Variants in GMDS observed in about 807,000 individuals in gnomAD.
GMDS encodes the protein GDP-mannose 4,6-dehydratase.
Under a neutral mutation model 49.9 loss-of-function variants are expected in GMDS, and 20 were observed. That is an observed-to-expected ratio of 0.40 (90% CI 0.28 to 0.58). The LOEUF is 0.58. Among genes scored for constraint, GMDS ranks in the 20% least tolerant of loss-of-function variants. The pLI, the probability that GMDS is intolerant of heterozygous loss-of-function variation, is 0.42. For missense variants in GMDS, 362 were observed against 481.4 expected, an observed-to-expected ratio of 0.75 and a Z score of 2.32; for synonymous variants, 177 against 178.6, an observed-to-expected ratio of 0.99 and a Z score of 0.07.
chr6:1,905,945 G>T (rs1760754115), intron 7 of GMDS, among the ~76,000 whole-genome samples: 1 of 151,998 alleles, frequency 6.6e-6, no homozygotes. Flanking sequence ...CGCCCAGGTG[G>T]CTGTTGAGTC....
At chr6:1,860,752 T>C (rs1487916920) in intron 7 of GMDS, among the ~76,000 whole-genome samples, 2 of 152,038 alleles carry the variant, frequency 1.3e-5, no homozygotes, top group Non-Finnish European at 2.9e-5. Flanking sequence ...CAGGTTTGGG[T>C]TGTAGGAACT....
chr6:1,902,764 A>T (rs1760560851), intron 7 of GMDS, among the ~76,000 whole-genome samples: 1 of 152,222 alleles, frequency 6.6e-6, no homozygotes, highest in African/African-American at 2.4e-5. Flanking sequence ...GTCAAATAAC[A>T]GGTAAAAACA....
chr6:1,948,060 T>G (rs1282265283), intron 6 of GMDS, among the ~76,000 whole-genome samples: 1 of 152,202 alleles, frequency 6.6e-6, no homozygotes, highest in Non-Finnish European at 1.5e-5. Context: ...TTCCACGATT[T>G]CCTTTAATGC....
rs559747057 is a variant in GMDS, at chr6:1,674,108, G to A, written c.988-49568C>T. Among the ~76,000 whole-genome samples the A allele has an allele frequency of 4.6e-5, 7 of 151,500 alleles. No homozygotes were observed. In the South Asian group the frequency reaches 1.5e-3, roughly 32 times the overall value. On this transcript the variant is annotated intron_variant, in intron 9 of 10. Coordinates refer to ENST00000380815, the MANE Select transcript of GMDS (RefSeq NM_001500.4). ...GCTATTTATGAAATTGCAAACATTC[G>A]TGCAAAGTGTCTAAACCTTTTGCAT...
chr6:2,168,704 T>C lies in GMDS; in HGVS notation c.103-43973A>G, dbSNP rs189910537. On this transcript the variant is annotated intron_variant, in intron 1 of 10. Coordinates refer to ENST00000380815, the MANE Select transcript of GMDS (RefSeq NM_001500.4). ...GTCAGAACACATCAACTGCTTCTTT[T>C]AAAAGAAACTCTTAAAATGGGGCAA... 1.9e-3 allele frequency among the ~76,000 whole-genome samples: 290 copies of C among 152,346 alleles called. 3 individuals are homozygous for C. The highest frequency in any genetic ancestry group is 5.6e-4 in the Non-Finnish European group (38 of 68,020).
chr6:2,061,717 T>TC (rs1294326108), intron 4 of GMDS, among the ~76,000 whole-genome samples: 2 of 24,854 alleles, frequency 8.0e-5, no homozygotes, highest in African/African-American at 1.5e-4. Flanking sequence ...AGACTCTGTC[T>TC]CAAAAAAAAA....
intron 9 of GMDS, among the ~76,000 whole-genome samples, chr6:1,632,365 T>C (rs1763025750): frequency 6.6e-6 from 1 of 152,062 alleles, no homozygotes; most frequent in Non-Finnish European, 1.5e-5. Flanking sequence ...TGATTTGCTG[T>C]ATGTGAGGTC....
intron 7 of GMDS, among the ~76,000 whole-genome samples, chr6:1,791,446 C>A (rs1309672905): frequency 6.6e-6 from 1 of 152,160 alleles, no homozygotes; most frequent in Non-Finnish European, 1.5e-5. Flanking sequence ...GCTCTGATGT[C>A]TCTTCCTCTT....
At chr6:1,743,812 T>C (rs1355569551) in intron 7 of GMDS, among the ~76,000 whole-genome samples, 1 of 147,884 alleles carries the variant, frequency 6.8e-6, no homozygotes, top group East Asian at 2.0e-4. Flanking sequence ...AACAGGAATA[T>C]GTCTCTTCAA....
chr6:1,784,390 C>CAAAAAAA (rs780517217), intron 7 of GMDS, among the ~76,000 whole-genome samples: 46 of 40,474 alleles, frequency 1.1e-3, no homozygotes, highest in African/African-American at 3.6e-3. Context: ...AGACTCGTCT[C>CAAAAAAA]AAAAAAAAAA....
chr6:2,168,742 A>G (rs1053881894), intron 1 of GMDS, among the ~76,000 whole-genome samples: 2 of 152,238 alleles, frequency 1.3e-5, no homozygotes, highest in African/African-American at 4.8e-5. Flanking sequence ...TAGATGCCAA[A>G]TAAGGACTCT....
chr6:1,886,424 A>C (rs1228998256), intron 7 of GMDS, among the ~76,000 whole-genome samples: 1 of 152,250 alleles, frequency 6.6e-6, no homozygotes, highest in African/African-American at 2.4e-5. Flanking sequence ...GAATGCAAGT[A>C]GATTTTATAT....
At chr6:1,692,619 A>G (rs1243236944) in intron 9 of GMDS, among the ~76,000 whole-genome samples, 1 of 152,146 alleles carries the variant, frequency 6.6e-6, no homozygotes, top group Non-Finnish European at 1.5e-5. Context: ...TTCATATTAC[A>G]TAGTCCCTAT....
intron 4 of GMDS, among the ~76,000 whole-genome samples, chr6:2,028,051 C>T (rs1768711714): frequency 6.6e-6 from 1 of 152,062 alleles, no homozygotes; most frequent in Admixed American, 6.6e-5. Flanking sequence ...TATTAAAGGG[C>T]CCGCCTTAAA....
chr6:1,895,623 C>T (rs1472323131), intron 7 of GMDS, among the ~76,000 whole-genome samples: 2 of 152,214 alleles, frequency 1.3e-5, no homozygotes, highest in South Asian at 2.1e-4. Context: ...ATTGAACAGA[C>T]GTGCTTTACA....
rs1461141177 is a variant in GMDS, at chr6:1,915,107, G to T, written c.771+14996C>A. Among the ~76,000 whole-genome samples the T allele has an allele frequency of 2.6e-5, 4 of 152,342 alleles. No individual in the cohort carries two copies. The East Asian group carries it at 7.7e-4, about 29-fold the overall frequency. ...TCGAACCATCCACTGTATCTGCAGA[G>T]AATATGTGTCCCCACAGAACCAGTG... is the stretch of plus-strand genomic sequence containing the variant. On this transcript the variant is annotated intron_variant, in intron 7 of 10. Transcript: ENST00000380815.
chr6:1,709,443 C>G lies in GMDS; in HGVS notation c.987+16973G>C, dbSNP rs148652138. On this transcript the variant is annotated intron_variant, in intron 9 of 10. Transcript: ENST00000380815. ...CTTCCTGGTGGCCCAATTTCCTCAT[C>G]TGACATGACAACAGTGAAGATCATG... 1.2e-3 allele frequency among the ~76,000 whole-genome samples: 190 copies of G among 152,362 alleles called. 2 individuals carry two copies. The East Asian group carries it at 0.032, about 26-fold the overall frequency.
intron 1 of GMDS, among the ~76,000 whole-genome samples, chr6:2,153,974 T>A (rs1253862194): frequency 6.6e-6 from 1 of 152,160 alleles, no homozygotes; most frequent in Non-Finnish European, 1.5e-5. Context: ...GCACTAGGGA[T>A]AAATGTGACC....
At chr6:1,888,408 C>T (rs1759714857) in intron 7 of GMDS, among the ~76,000 whole-genome samples, 1 of 152,032 alleles carries the variant, frequency 6.6e-6, no homozygotes, top group Admixed American at 6.6e-5. Flanking sequence ...GAGGAATGAC[C>T]AGACACTTAT....
Sources: allele counts gnomAD v4.1 joint callset (sites outside exome capture counted in the v4.1 genomes callset), GRCh38; gene constraint gnomAD v4.1.1; transcripts MANE v1.5; gene names NCBI Gene and HGNC (gene_info 2026-07-23, HGNC 2026-07-21).